Variants in MIPOL1 observed in about 807,000 individuals in gnomAD.
MIPOL1 encodes the protein mirror-image polydactyly gene 1 protein.
A neutral mutation model predicts 60.9 loss-of-function variants in MIPOL1; 57 were observed. That is an observed-to-expected ratio of 0.94 (90% confidence interval 0.76 to 1.17). The LOEUF (loss-of-function observed/expected upper bound fraction) is 1.17, where lower values mean the gene tolerates loss of function less well. Among genes scored for constraint, MIPOL1 ranks in the 50% most tolerant of loss-of-function variants. The pLI is 0.00. For missense variants in MIPOL1, 551 were observed against 511.6 expected (o/e 1.08, Z -0.74); for synonymous variants, 179 against 168.8 (o/e 1.06, Z -0.47).
At position 37,351,431 on chromosome 14, in the gene MIPOL1, G is replaced by A. The variant is rs2091365846; in HGVS notation, c.829-18086G>A. On this transcript the variant is annotated intron_variant, in intron 9 of 12. Coordinates refer to ENST00000684589, the MANE Select transcript of MIPOL1 (RefSeq NM_001388067.1). ...TCCTTTGGGTATATACCCAGTAATGGGATGGCTGGCTCAAATGGTATTTCC... is the reference window on the plus strand; with the variant it reads ...TCCTTTGGGTATATACCCAGTAATGAGATGGCTGGCTCAAATGGTATTTCC... Among the ~76,000 whole-genome samples the A allele has an allele frequency of 4.0e-5, 6 of 151,674 alleles. No homozygotes were observed. In the South Asian group the frequency reaches 1.3e-3, roughly 32 times the overall value.
chr14:37,499,428 G>C (rs8008930), intron 11 of MIPOL1, among the ~76,000 whole-genome samples: 3,372 of 152,192 alleles, frequency 0.022, 56 homozygotes, highest in Non-Finnish European at 0.033. Context: ...GTGACAAGTA[G>C]AAGATCAAGT....
intron 10 of MIPOL1, among the ~76,000 whole-genome samples, chr14:37,404,152 A>G (rs1178778501): frequency 6.6e-6 from 1 of 152,236 alleles, no homozygotes; most frequent in African/African-American, 2.4e-5. Flanking sequence ...CTTGAATATT[A>G]TATTTCAGAA....
intron 12 of MIPOL1, among the ~76,000 whole-genome samples, chr14:37,510,025 C>T (rs879479372): frequency 3.3e-5 from 5 of 151,542 alleles, no homozygotes; most frequent in Non-Finnish European, 7.4e-5. Flanking sequence ...TATATATACA[C>T]GTAGTCTATA....
At chr14:37,514,821 A>G (rs531617712) in intron 12 of MIPOL1, among the ~76,000 whole-genome samples, 3 of 152,040 alleles carry the variant, frequency 2.0e-5, no homozygotes, top group Non-Finnish European at 4.4e-5. Flanking sequence ...GGGTTTCTCC[A>G]TGTTGGTCAG....
intron 12 of MIPOL1, among the ~76,000 whole-genome samples, chr14:37,536,224 C>T (rs2153638520): frequency 6.6e-6 from 1 of 152,242 alleles, no homozygotes; most frequent in South Asian, 2.1e-4. Flanking sequence ...CAAAGTTTTT[C>T]TTGCTTTTCT....
At chr14:37,380,724 T>C (rs1316547214) in intron 10 of MIPOL1, among the ~76,000 whole-genome samples, 1 of 152,208 alleles carries the variant, frequency 6.6e-6, no homozygotes, top group Admixed American at 6.6e-5. Context: ...GTTTTAGGAA[T>C]TTGATACTTT....
intron 11 of MIPOL1, among the ~76,000 whole-genome samples, chr14:37,437,298 T>G (rs1436051754): frequency 6.6e-6 from 1 of 152,096 alleles, no homozygotes; most frequent in Non-Finnish European, 1.5e-5. Context: ...GGGACTGGCT[T>G]TTTAGTTTAG....
At chr14:37,269,096 A>G (rs890803652) in intron 5 of MIPOL1, among the ~76,000 whole-genome samples, 1 of 152,078 alleles carries the variant, frequency 6.6e-6, no homozygotes, top group Non-Finnish European at 1.5e-5. Context: ...CTGCTTCAGT[A>G]TTATAGAGAA....
rs185516678 is a variant in MIPOL1 at position 37,489,581 on chromosome 14, G to A, written c.1032-10327G>A. 1.8e-3 allele frequency among the ~76,000 whole-genome samples: 277 copies of A among 152,222 alleles called. 1 individual carries two copies. The highest frequency in any genetic ancestry group is 6.1e-3 in the African/African-American group (252 of 41,538). ...TCTGCTGGTTTCTCCCCATCTTCAT[G>A]GATTTATCTACTTTTGGTCTTTCAT... On this transcript the variant is annotated intron_variant, in intron 11 of 12. Transcript: ENST00000684589.
intron 12 of MIPOL1, among the ~76,000 whole-genome samples, chr14:37,541,700 G>A (rs370398084): frequency 3.3e-5 from 5 of 152,106 alleles, no homozygotes; most frequent in African/African-American, 7.2e-5. Context: ...AATCTAGCAC[G>A]TATGAGATCA....
chr14:37,322,722 G>A (rs1258753374), intron 9 of MIPOL1, among the ~76,000 whole-genome samples: 2 of 152,044 alleles, frequency 1.3e-5, no homozygotes, highest in Non-Finnish European at 1.5e-5. Context: ...TTTCTCTAAT[G>A]ACCAGTGATG....
intron 10 of MIPOL1, among the ~76,000 whole-genome samples, chr14:37,405,934 C>G (rs1231433258): frequency 7.2e-6 from 1 of 138,106 alleles, no homozygotes; most frequent in Non-Finnish European, 1.5e-5. Flanking sequence ...GCTGTTTTTT[C>G]AAGTCATTTT....
chr14:37,385,449 C>T (rs184907704), intron 10 of MIPOL1: 6 of 152,166 alleles, frequency 3.9e-5, no homozygotes, highest in Admixed American at 6.6e-5. Flanking sequence ...TGTGGTTGTC[C>T]GTGACAGCAG....
At position 37,336,292 on chromosome 14, in the gene MIPOL1, A is replaced by G. The variant is rs79219087; in HGVS notation, c.828+27773A>G. On this transcript the variant is annotated intron_variant, in intron 9 of 12. Coordinates refer to ENST00000684589, the MANE Select transcript of MIPOL1 (RefSeq NM_001388067.1). ...TCTACATGTCTGTCTTTATGCCAAT[A>G]TCACACTGTTTTAATTACTATAGCT... Among the ~76,000 whole-genome samples, 235 of 151,338 alleles carry G rather than the reference A, an allele frequency of 1.6e-3. 2 individuals are homozygous for G. Among genetic ancestry groups the G allele is most frequent in the African/African-American group, 5.6e-3 (232 of 41,422 alleles).
At chr14:37,523,182 T>G (rs572082852) in intron 12 of MIPOL1, among the ~76,000 whole-genome samples, 3 of 152,232 alleles carry the variant, frequency 2.0e-5, no homozygotes, top group African/African-American at 7.2e-5. Flanking sequence ...TTGGGCCAAG[T>G]TCTAAGTATA....
At chr14:37,469,514 C>G (rs1447364071) in intron 11 of MIPOL1, among the ~76,000 whole-genome samples, 1 of 152,134 alleles carries the variant, frequency 6.6e-6, no homozygotes, top group African/African-American at 2.4e-5. Flanking sequence ...GGCAGGGACA[C>G]AGATGCAAAC....
At chr14:37,473,652 C>G (rs1358920186) in intron 11 of MIPOL1, among the ~76,000 whole-genome samples, 3 of 152,132 alleles carry the variant, frequency 2.0e-5, no homozygotes, top group African/African-American at 7.2e-5. Context: ...CATAACCTCC[C>G]CAGCACACAG....
intron 12 of MIPOL1, among the ~76,000 whole-genome samples, chr14:37,517,704 G>A (rs1281813930): frequency 3.3e-5 from 5 of 152,100 alleles, no homozygotes; most frequent in African/African-American, 1.2e-4. Flanking sequence ...AAAGAATAAG[G>A]ACGATATCTA....
At chr14:37,545,443 A>T (rs1345321997) in intron 12 of MIPOL1, among the ~76,000 whole-genome samples, 1 of 152,246 alleles carries the variant, frequency 6.6e-6, no homozygotes, top group Non-Finnish European at 1.5e-5. Flanking sequence ...ATCTGAGAAT[A>T]CAGTGAATTT....
Sources: gnomAD v4.1 joint callset for allele counts (sites outside exome capture counted in the v4.1 genomes callset) on GRCh38, gnomAD v4.1.1 for gene constraint, MANE v1.5 for transcripts, NCBI Gene and HGNC (gene_info 2026-07-23, HGNC 2026-07-21) for gene names.